The following PCDH11X variants were observed in gnomAD, a reference collection of about 807,000 sequenced individuals.
The protein encoded by PCDH11X is protocadherin 11 X-linked.
In PCDH11X, 18 loss-of-function variants were observed where a neutral mutation model predicts 53.3. That is an observed-to-expected ratio of 0.34 (90% CI 0.23 to 0.50). PCDH11X has a LOEUF of 0.50. PCDH11X is among the 20% of genes least tolerant of loss of function. The pLI, the probability that PCDH11X is intolerant of heterozygous loss-of-function variation, is 0.98. For missense variants in PCDH11X, 570 were observed against 1,032.4 expected (o/e 0.55, Z 6.14); for synonymous variants, 279 against 393.3 (o/e 0.71, Z 3.44).
chrX:92,610,673 C>T (rs1202234797), intron 10 of PCDH11X, among the ~76,000 whole-genome samples: 2 of 111,437 alleles, frequency 1.8e-5, no homozygotes, highest in Non-Finnish European at 3.8e-5. Context: ...TTTGCCAAGG[C>T]TAATGTCCAG....
rs2148823022 is a variant in PCDH11X, at chrX:92,619,024, C to T, written c.*84C>T. ...CAATTCCAATGAGTATTCTGATTAT[C>T]AGATTTGTAAATAACTATGTAAATA... On this transcript the variant is annotated 3_prime_UTR_variant, in exon 11 of 11. Coordinates refer to ENST00000682573, the MANE Select transcript of PCDH11X (RefSeq NM_032968.5). The T allele has an allele frequency of 1.0e-6, 1 of 973,305 alleles. No individual in the cohort carries two copies. The highest frequency in any genetic ancestry group is 3.2e-5 in the East Asian group (1 of 31,522). The allele number at this position is 973,305 out of a possible 1,213,427, so 80.2% of individuals were successfully genotyped here. A position where few individuals can be genotyped will look rare whatever the true frequency, so the allele number is the denominator to read the frequency against.
At chrX:92,274,851 C>T (rs931611012) in intron 8 of PCDH11X, among the ~76,000 whole-genome samples, 11 of 108,995 alleles carry the variant, frequency 1.0e-4, no homozygotes, top group African/African-American at 3.7e-4. Flanking sequence ...GGGTGAGGAA[C>T]AGGAAAGAAG....
intron 10 of PCDH11X, among the ~76,000 whole-genome samples, chrX:92,585,286 G>T (rs1355063813): frequency 1.8e-5 from 2 of 110,551 alleles, no homozygotes; most frequent in African/African-American, 6.6e-5. Flanking sequence ...ACAATTCCAC[G>T]TGAGATTTGG....
At chrX:92,004,879 C>T (rs1177417766) in intron 6 of PCDH11X, among the ~76,000 whole-genome samples, 1 of 106,413 alleles carries the variant, frequency 9.4e-6, no homozygotes, top group Non-Finnish European at 1.9e-5. Flanking sequence ...AGGTTCACGC[C>T]ATTCTCCTGC....
intron 6 of PCDH11X, among the ~76,000 whole-genome samples, chrX:92,127,925 TAA>T (rs1569372741): frequency 9.0e-6 from 1 of 111,394 alleles, no homozygotes; most frequent in African/African-American, 3.3e-5. Flanking sequence ...GATTATTGAA[TAA>T]GTTAGACTAT....
At chrX:92,563,353 T>C (rs1250746294) in intron 10 of PCDH11X, among the ~76,000 whole-genome samples, 3 of 108,558 alleles carry the variant, frequency 2.8e-5, no homozygotes, top group Non-Finnish European at 5.7e-5. Flanking sequence ...CCAAGAAGGA[T>C]GGTGTTAATC....
chrX:92,608,877 T>C (rs930511885), intron 10 of PCDH11X, among the ~76,000 whole-genome samples: 3 of 110,907 alleles, frequency 2.7e-5, no homozygotes, highest in African/African-American at 9.8e-5. Flanking sequence ...CTCCCAAAAT[T>C]TCTTTGTGCT....
At chrX:92,077,165 A>G (rs2063785112) in intron 6 of PCDH11X, among the ~76,000 whole-genome samples, 1 of 111,728 alleles carries the variant, frequency 9.0e-6, no homozygotes, top group Non-Finnish European at 1.9e-5. Flanking sequence ...CACAGAGTTT[A>G]TACTAACTTT....
At position 91,818,103 on chromosome X, in the gene PCDH11X, A is replaced by G. The variant is rs941735809; in HGVS notation, c.-45+6808A>G. ...AATATTTTACATTTATCAGCTATAA[A>G]GAAATCATAATTTAAAATGAAATAC... On this transcript the variant is annotated intron_variant, in intron 4 of 10. Transcript: ENST00000682573. Among the ~76,000 whole-genome samples the G allele has an allele frequency of 1.9e-4, 21 of 111,758 alleles. 1 individual carries two copies. The highest frequency in any genetic ancestry group is 6.9e-4 in the African/African-American group (21 of 30,648).
At chrX:92,144,953 G>A (rs1172334664) in intron 6 of PCDH11X, among the ~76,000 whole-genome samples, 1 of 110,913 alleles carries the variant, frequency 9.0e-6, no homozygotes, top group African/African-American at 3.3e-5. Flanking sequence ...ATGTCCTGGG[G>A]GAGCTGCCAG....
intron 6 of PCDH11X, among the ~76,000 whole-genome samples, chrX:92,037,419 A>G (rs746571221): frequency 2.0e-4 from 22 of 111,848 alleles, no homozygotes; most frequent in Non-Finnish European, 3.4e-4. Flanking sequence ...ATAGTATTCC[A>G]TGGTGTATAT....
chrX:92,262,154 A>T (rs753097246), intron 7 of PCDH11X, among the ~76,000 whole-genome samples: 14 of 110,875 alleles, frequency 1.3e-4, no homozygotes, highest in Non-Finnish European at 2.3e-4. Context: ...AAAATGGAGA[A>T]AGCATGCATC....
In PCDH11X at chrX:92,307,304, A is replaced by G. The variant is rs182827212; in HGVS notation, c.3144+44161A>G. ...TATTTCTGGAATACAAGGATGTTTC[A>G]GTGTATTAAAATCAAACAATGTAAT... On this transcript the variant is annotated intron_variant, in intron 8 of 10. Coordinates refer to ENST00000682573, the MANE Select transcript of PCDH11X (RefSeq NM_032968.5). 6.0e-3 allele frequency among the ~76,000 whole-genome samples: 664 copies of G among 110,651 alleles called. 3 individuals are homozygous for G. The highest frequency in any genetic ancestry group is 0.021 in the African/African-American group (628 of 30,450).
At chrX:92,600,451 G>A (rs1300055517) in intron 10 of PCDH11X, among the ~76,000 whole-genome samples, 1 of 111,388 alleles carries the variant, frequency 9.0e-6, no homozygotes, top group Non-Finnish European at 1.9e-5. Flanking sequence ...TTGTTTCAGA[G>A]GGTTCAAGCC....
chrX:92,276,005 A>G lies in PCDH11X; in HGVS notation c.3144+12862A>G, dbSNP rs772429942. ...ATGCGGCTATAGTCCAGGAATAGTC[A>G]GGGAAGCAGATAATTTGGTTAAAAT... On this transcript the variant is annotated intron_variant, in intron 8 of 10. Coordinates refer to ENST00000682573, the MANE Select transcript of PCDH11X (RefSeq NM_032968.5). Among the ~76,000 whole-genome samples the G allele has an allele frequency of 2.9e-3, 322 of 110,720 alleles. 2 individuals are homozygous for G. The highest frequency in any genetic ancestry group is 0.01 in the African/African-American group (309 of 30,438).
rs113054325 is a variant in PCDH11X, at chrX:92,017,328, T to C, written c.3033+138055T>C. Reference sequence around the variant, plus strand: ...GTATCAAAATATCTAATGTAACCCATAAATACATACACCTACTATGTACCC... The same window carrying C: ...GTATCAAAATATCTAATGTAACCCACAAATACATACACCTACTATGTACCC... On this transcript the variant is annotated intron_variant, in intron 6 of 10. Transcript: ENST00000682573. Among the ~76,000 whole-genome samples, 184 of 110,738 alleles carry C rather than the reference T, an allele frequency of 1.7e-3. 1 individual carries two copies. The highest frequency in any genetic ancestry group is 5.8e-3 in the African/African-American group (177 of 30,495).
intron 8 of PCDH11X, among the ~76,000 whole-genome samples, chrX:92,274,232 C>T (rs1281347312): frequency 1.8e-5 from 2 of 109,557 alleles, no homozygotes; most frequent in African/African-American, 6.8e-5. Context: ...AAAGTATTGT[C>T]CAGTCCTCTT....
intron 6 of PCDH11X, among the ~76,000 whole-genome samples, chrX:92,027,441 A>G (rs1318331694): frequency 1.8e-5 from 2 of 111,395 alleles, no homozygotes; most frequent in Non-Finnish European, 3.8e-5. Flanking sequence ...TAACTGAAGG[A>G]TAGGAGATAT....
chrX:92,263,490 C>T (rs1309919975), intron 8 of PCDH11X, among the ~76,000 whole-genome samples: 1 of 111,883 alleles, frequency 8.9e-6, no homozygotes, highest in East Asian at 2.8e-4. Flanking sequence ...TGTCAATTCA[C>T]ATTTTAGCAG....
Sources: allele counts gnomAD v4.1 joint callset (sites outside exome capture counted in the v4.1 genomes callset), GRCh38; gene constraint gnomAD v4.1.1; transcripts MANE v1.5; gene names NCBI Gene and HGNC (gene_info 2026-07-23, HGNC 2026-07-21).